The following TTC39B variants were observed in gnomAD, a reference collection of about 807,000 sequenced individuals.
The protein encoded by TTC39B is tetratricopeptide repeat domain 39B.
A neutral mutation model predicts 96.6 loss-of-function variants in TTC39B; 92 were observed. That is an observed-to-expected ratio of 0.95 (90% CI 0.80 to 1.13). The LOEUF is 1.13. Ranked by LOEUF, TTC39B falls within the 50% of genes most tolerant of loss-of-function variation. TTC39B has a pLI of 0.00. For missense variants in TTC39B, 955 were observed against 809.3 expected (o/e 1.18, Z -2.18); for synonymous variants, 367 against 299.4 (o/e 1.23, Z -2.33).
intron 6 of TTC39B, among the ~76,000 whole-genome samples, 179 bp downstream of exon 6, chr9:15,209,909 A>G (rs1275244367): frequency 3.3e-5 from 5 of 152,234 alleles, no homozygotes; most frequent in African/African-American, 1.2e-4. Flanking sequence ...GTATTTGAGT[A>G]TGTACACAGA....
chr9:15,203,802 T>G (rs749695849), intron 7 of TTC39B, 21 bp downstream of exon 7: 1 of 1,604,418 alleles, frequency 6.2e-7, no homozygotes, highest in South Asian at 1.1e-5. Flanking sequence ...CAATACGAAT[T>G]CCAAGCCAAA....
At chr9:15,212,417 G>C (rs1820258828) in intron 4 of TTC39B, among the ~76,000 whole-genome samples, 1 of 151,106 alleles carries the variant, frequency 6.6e-6, no homozygotes, top group Admixed American at 6.6e-5. Flanking sequence ...TGAGGGAAAA[G>C]TATTTTTATT....
intron 1 of TTC39B, among the ~76,000 whole-genome samples, chr9:15,288,373 C>A (rs1448834170): frequency 6.6e-6 from 1 of 152,122 alleles, no homozygotes; most frequent in Non-Finnish European, 1.5e-5. Flanking sequence ...AACCCCGGCT[C>A]CACAAGGAAA....
At chr9:15,267,058 G>A (rs10217255) in intron 2 of TTC39B, among the ~76,000 whole-genome samples, 32,414 of 151,928 alleles carry the variant, frequency 0.21, 5,487 homozygotes, top group African/African-American at 0.47. Flanking sequence ...CAACCTGGGC[G>A]ACAGAGCGAG....
At chr9:15,241,972 C>A (rs1822064170) in intron 2 of TTC39B, among the ~76,000 whole-genome samples, 1 of 152,112 alleles carries the variant, frequency 6.6e-6, no homozygotes, top group South Asian at 2.1e-4. Flanking sequence ...TCTCAAACTC[C>A]TGACCTCAGT....
At chr9:15,255,669 A>G (rs1236089458) in intron 2 of TTC39B, among the ~76,000 whole-genome samples, 1 of 152,190 alleles carries the variant, frequency 6.6e-6, no homozygotes, top group Admixed American at 6.5e-5. Context: ...TAAGATTCTG[A>G]CACTCATTTA....
At chr9:15,175,484 T>C (rs1817884611) in intron 18 of TTC39B, among the ~76,000 whole-genome samples, 1 of 151,938 alleles carries the variant, frequency 6.6e-6, no homozygotes, top group Non-Finnish European at 1.5e-5. Flanking sequence ...AATAAGAAAG[T>C]TGTATTATTT....
At chr9:15,281,646 AAAAATGGC>A (rs1823766289) in intron 1 of TTC39B, among the ~76,000 whole-genome samples, 3 of 147,676 alleles carry the variant, frequency 2.0e-5, no homozygotes, top group African/African-American at 8.0e-5. Flanking sequence ...AAAAAAAAAA[AAAAATGGC>A]AAAAAGCTAA....
chr9:15,300,918 A>AC (rs1824564518), intron 1 of TTC39B, among the ~76,000 whole-genome samples: 1 of 141,392 alleles, frequency 7.1e-6, no homozygotes, highest in Non-Finnish European at 1.5e-5. Context: ...AAAAAAAAAA[A>AC]CCTTCCAGGT....
At chr9:15,172,065 C>G in exon 20 of TTC39B, 4 of 1,612,926 alleles carry the variant, frequency 2.5e-6, no homozygotes, top group Middle Eastern at 1.7e-4. Flanking sequence ...TGCCTGAATT[C>G]TGAAGTGTAG....
chr9:15,244,451 CAATA>C (rs1253174042), intron 2 of TTC39B, among the ~76,000 whole-genome samples: 1 of 152,212 alleles, frequency 6.6e-6, no homozygotes, highest in Non-Finnish European at 1.5e-5. Context: ...AGCAAAGCAG[CAATA>C]ACAACACCTG....
At chr9:15,246,379 T>C (rs1239631377) in intron 2 of TTC39B, among the ~76,000 whole-genome samples, 1 of 151,904 alleles carries the variant, frequency 6.6e-6, no homozygotes, top group South Asian at 2.1e-4. Flanking sequence ...AAAATTCAAA[T>C]CTAACTCTTG....
rs189599266 is a variant in TTC39B, at chr9:15,182,489, T to C, written c.1615-74A>G. 6.8e-4 allele frequency: 698 copies of C among 1,020,008 alleles called. 5 individuals are homozygous for C. In the African/African-American group the frequency reaches 0.01, roughly 15 times the overall value. The allele number at this position is 1,020,008 out of a possible 1,614,324, so 63.2% of individuals were successfully genotyped here. A position where few individuals can be genotyped will look rare whatever the true frequency, so the allele number is the denominator to read the frequency against. On this transcript the variant is annotated intron_variant, in intron 16 of 19. Transcript: ENST00000512701. The stretch of plus-strand genomic sequence containing the variant: ...TGTCCTTTATGATCCCCAAACAATG[T>C]TCATGTGTTTTGCTTCGGTTTCTAG...
intron 2 of TTC39B, among the ~76,000 whole-genome samples, chr9:15,251,690 C>CACAT (rs1243714942): frequency 3.8e-5 from 3 of 79,444 alleles, no homozygotes; most frequent in South Asian, 4.5e-4. Context: ...CACACACACA[C>CACAT]ATACATATAC....
chr9:15,205,649 C>T (rs746336111), intron 6 of TTC39B, among the ~76,000 whole-genome samples: 2 of 152,182 alleles, frequency 1.3e-5, no homozygotes, highest in African/African-American at 4.8e-5. Flanking sequence ...CTGTGTTCAG[C>T]GGGATACCAA....
At chr9:15,215,265 T>C (rs10217576) in intron 3 of TTC39B, among the ~76,000 whole-genome samples, 38,984 of 151,420 alleles carry the variant, frequency 0.26, 5,583 homozygotes, top group African/African-American at 0.39. Context: ...AAAATGAGGC[T>C]GGGTGTGGTG....
chr9:15,245,928 T>G (rs1056605606), intron 2 of TTC39B, among the ~76,000 whole-genome samples: 1 of 152,096 alleles, frequency 6.6e-6, no homozygotes, highest in Non-Finnish European at 1.5e-5. Flanking sequence ...AGAACTTGGG[T>G]AGAATGGCAC....
chr9:15,306,794 T>G lies in TTC39B; in HGVS notation c.240+290A>C, dbSNP rs1824767229. ...CTGCGGGTCCTATGGTCCCGCGCCC[T>G]CACGCCCATCCAAGTGCTGGCAGGA... On this transcript the variant is annotated intron_variant, in intron 1 of 19. Transcript: ENST00000512701. The surrounding 1 kb of genome is among the most constrained non-coding windows in gnomAD (Gnocchi z 5.1). 2.0e-5 allele frequency among the ~76,000 whole-genome samples: 3 copies of G among 152,008 alleles called. No homozygotes were observed. The highest frequency in any genetic ancestry group is 6.5e-5 in the Admixed American group (1 of 15,270).
intron 2 of TTC39B, among the ~76,000 whole-genome samples, chr9:15,246,935 G>C (rs1360028482): frequency 6.6e-6 from 1 of 152,236 alleles, no homozygotes; most frequent in Admixed American, 6.5e-5. Flanking sequence ...GCTCTGTGGT[G>C]ATTTGTTACA....
Sources: allele counts gnomAD v4.1 joint callset (sites outside exome capture counted in the v4.1 genomes callset), GRCh38; gene constraint gnomAD v4.1.1; non-coding constraint Gnocchi (gnomAD v3.1); transcripts MANE v1.5; gene names NCBI Gene and HGNC (gene_info 2026-07-23, HGNC 2026-07-21).